STK31: variants seen among roughly 807,000 people sequenced by gnomAD.
STK31 encodes serine/threonine-protein kinase 31.
In STK31, 89 loss-of-function variants were observed where a neutral mutation model predicts 129.7. The ratio of observed to expected loss-of-function variants is 0.69; its 90% confidence interval spans 0.58 to 0.82. The LOEUF is 0.82. Among genes scored for constraint, STK31 ranks in the 40% least tolerant of loss-of-function variants. The pLI is 0.00. For synonymous variants in STK31, 448 were observed against 395.3 expected (o/e 1.13, Z -1.58); for missense variants, 1,187 against 1,176.4 (o/e 1.01, Z -0.13).
At chr7:23,718,342 T>C (rs947907535) in intron 4 of STK31, among the ~76,000 whole-genome samples, 2 of 152,190 alleles carry the variant, frequency 1.3e-5, no homozygotes, top group African/African-American at 2.4e-5. Flanking sequence ...TCTTTTTTAC[T>C]GAGTTATAAC....
intron 22 of STK31, among the ~76,000 whole-genome samples, chr7:23,798,359 C>T (rs566568561): frequency 1.3e-5 from 2 of 151,940 alleles, no homozygotes; most frequent in African/African-American, 4.8e-5. Flanking sequence ...CAATAAAATA[C>T]TGGCAAACTG....
intron 15 of STK31, among the ~76,000 whole-genome samples, chr7:23,777,600 A>ATT (rs200049245): frequency 1.3e-5 from 2 of 149,952 alleles, no homozygotes; most frequent in East Asian, 3.9e-4. Context: ...CTTTATTTTT[A>ATT]TTTTTTTTTA....
At chr7:23,737,530 G>A (rs6958009) in intron 8 of STK31, among the ~76,000 whole-genome samples, 111,010 of 152,072 alleles carry the variant, frequency 0.73, 41,164 homozygotes, top group South Asian at 0.89. Flanking sequence ...TTAAAAAACC[G>A]TAATAATAAT....
At chr7:23,756,295 C>A (rs191722569) in intron 10 of STK31, among the ~76,000 whole-genome samples, 1 of 152,120 alleles carries the variant, frequency 6.6e-6, no homozygotes, top group Non-Finnish European at 1.5e-5. Context: ...TGGCTCTTTG[C>A]TTGCCTCTTG....
At chr7:23,758,884 A>C (rs1462600457) in intron 10 of STK31, among the ~76,000 whole-genome samples, 1 of 152,200 alleles carries the variant, frequency 6.6e-6, no homozygotes, top group Non-Finnish European at 1.5e-5. Flanking sequence ...TGTGTGCTGT[A>C]TTCAGGAGAC....
intron 23 of STK31, among the ~76,000 whole-genome samples, chr7:23,827,146 C>G (rs979804228): frequency 8.5e-5 from 13 of 152,204 alleles, no homozygotes; most frequent in Non-Finnish European, 1.9e-4. Flanking sequence ...GTTGGCCTGC[C>G]TTGCTAGGTT....
At chr7:23,725,996 C>G (rs142995131) in intron 4 of STK31, 1 of 152,216 alleles carries the variant, frequency 6.6e-6, no homozygotes, top group Non-Finnish European at 1.5e-5. Context: ...ACAACCAGTT[C>G]TCTTAGGAAC....
At chr7:23,730,088 G>A (rs916844552) in intron 6 of STK31, among the ~76,000 whole-genome samples, 8 of 152,122 alleles carry the variant, frequency 5.3e-5, no homozygotes, top group Admixed American at 2.0e-4. Context: ...TCTGGAAGAC[G>A]TTCGATAATT....
At chr7:23,750,066 T>TCCCCCC (rs1788609697) in intron 8 of STK31, among the ~76,000 whole-genome samples, 1 of 77,668 alleles carries the variant, frequency 1.3e-5, no homozygotes, top group Non-Finnish European at 2.8e-5. Flanking sequence ...AATGGTTTGT[T>TCCCCCC]TCCCCCCCCG....
chr7:23,745,282 G>T (rs1363620862), intron 8 of STK31, among the ~76,000 whole-genome samples: 1 of 152,172 alleles, frequency 6.6e-6, no homozygotes, highest in Non-Finnish European at 1.5e-5. Context: ...ATGGAGCTGG[G>T]TAGAGTGGAC....
At chr7:23,728,379 A>T (rs1337526296) in intron 5 of STK31, among the ~76,000 whole-genome samples, 4 of 152,096 alleles carry the variant, frequency 2.6e-5, no homozygotes, top group African/African-American at 9.7e-5. Context: ...TGACAATTTG[A>T]TTAATATTCT....
intron 11 of STK31, among the ~76,000 whole-genome samples, chr7:23,766,347 C>T (rs1468363091): frequency 6.6e-6 from 1 of 152,172 alleles, no homozygotes; most frequent in Non-Finnish European, 1.5e-5. Context: ...ACTGCAACCT[C>T]TGGCTCCTGG....
chr7:23,754,604 G>A, intron 10 of STK31, 130 bp downstream of exon 10: 1 of 997,672 alleles, frequency 1.0e-6, no homozygotes, highest in Non-Finnish European at 1.5e-6. Flanking sequence ...AGGTATACAT[G>A]CGCCGTGGTA....
At chr7:23,730,870 A>T (rs1186594732) in intron 6 of STK31, among the ~76,000 whole-genome samples, 7 of 45,300 alleles carry the variant, frequency 1.5e-4, no homozygotes, top group South Asian at 1.0e-3. Flanking sequence ...ATATATATAT[A>T]TATATATATT....
intron 23 of STK31, among the ~76,000 whole-genome samples, chr7:23,823,807 T>C (rs1584504797): frequency 6.6e-6 from 1 of 152,230 alleles, no homozygotes; most frequent in Admixed American, 6.5e-5. Context: ...GTTTCAGCTT[T>C]CTATATACGG....
intron 23 of STK31, among the ~76,000 whole-genome samples, chr7:23,829,584 T>C (rs1189101971): frequency 6.6e-6 from 1 of 152,180 alleles, no homozygotes; most frequent in Non-Finnish European, 1.5e-5. Context: ...TGGTCTATAG[T>C]TTTTTGTTGT....
intron 22 of STK31, among the ~76,000 whole-genome samples, chr7:23,805,567 T>G (rs886683061): frequency 1.3e-5 from 2 of 152,154 alleles, no homozygotes; most frequent in Admixed American, 1.3e-4. Context: ...CATTGCAGCC[T>G]CAATCTGTTG....
At chr7:23,725,795 A>T (rs1291113046) in intron 4 of STK31, 2 of 152,244 alleles carry the variant, frequency 1.3e-5, no homozygotes, top group Non-Finnish European at 2.9e-5. Context: ...ATGTCTTCAG[A>T]CATTAAAATA....
intron 23 of STK31, among the ~76,000 whole-genome samples, chr7:23,828,213 AG>A (rs1204538923): frequency 0.011 from 1,695 of 152,302 alleles, 29 homozygotes; most frequent in African/African-American, 0.037. Flanking sequence ...AGAGGCAGGG[AG>A]GCCTCTTTGA....
Sources: gnomAD v4.1 joint callset for allele counts (sites outside exome capture counted in the v4.1 genomes callset) on GRCh38, gnomAD v4.1.1 for gene constraint, MANE v1.5 for transcripts, NCBI Gene and HGNC (gene_info 2026-07-23, HGNC 2026-07-21) for gene names.